ARK2C: variants seen among roughly 807,000 people sequenced by gnomAD.
ARK2C encodes arkadia (RNF111) C-terminal like ring finger ubiquitin ligase 2C.
the ARK2C span, among the ~76,000 whole-genome samples, chr18:46,424,214 G>C: frequency 6.6e-6 from 1 of 152,200 alleles, no homozygotes; most frequent in Non-Finnish European, 1.5e-5. Context: ...AGTCAGGGTT[G>C]GACAGGATGC....
chr18:46,428,251 A>G, the ARK2C span, among the ~76,000 whole-genome samples: 3 of 152,144 alleles, frequency 2.0e-5, no homozygotes, highest in African/African-American at 7.2e-5. Context: ...TCTACTAAAA[A>G]TACAAAAATT....
At chr18:46,439,665 A>C in the ARK2C span, among the ~76,000 whole-genome samples, 1 of 152,094 alleles carries the variant, frequency 6.6e-6, no homozygotes, top group Non-Finnish European at 1.5e-5. Flanking sequence ...ACTTGGAGAT[A>C]GTGGATGTTA....
At chr18:46,425,586 G>A in the ARK2C span, among the ~76,000 whole-genome samples, 36 of 152,286 alleles carry the variant, frequency 2.4e-4, no homozygotes, top group Admixed American at 2.0e-4. Flanking sequence ...CCTCCAGCTC[G>A]GGAGTCAGTC....
At chr18:46,435,389 A>G in the ARK2C span, 1 of 1,612,564 alleles carries the variant, frequency 6.2e-7, no homozygotes. Flanking sequence ...GGCTGAGGGC[A>G]CTGACTGGTG....
chr18:46,348,243 G>A, the ARK2C span, among the ~76,000 whole-genome samples: 1 of 151,476 alleles, frequency 6.6e-6, no homozygotes, highest in Non-Finnish European at 1.5e-5. Context: ...GGGGGTGAGG[G>A]GAGGGGAAGG....
the ARK2C span, among the ~76,000 whole-genome samples, chr18:46,391,460 C>T: frequency 6.6e-5 from 10 of 152,058 alleles, no homozygotes; most frequent in African/African-American, 2.2e-4. Context: ...TTGTGGTTGC[C>T]GCTATTCCAC....
At chr18:46,337,820 G>A in the ARK2C span, among the ~76,000 whole-genome samples, 1 of 126,496 alleles carries the variant, frequency 7.9e-6, no homozygotes, top group African/African-American at 3.0e-5. Flanking sequence ...TTTTTTTTGT[G>A]GTACAGATAT....
At chr18:46,341,832 G>A in the ARK2C span, among the ~76,000 whole-genome samples, 1 of 152,114 alleles carries the variant, frequency 6.6e-6, no homozygotes, top group Non-Finnish European at 1.5e-5. Context: ...AATCTGAGTT[G>A]GAACAAGTTT....
At chr18:46,414,593 T>C in the ARK2C span, among the ~76,000 whole-genome samples, 1 of 152,150 alleles carries the variant, frequency 6.6e-6, no homozygotes, top group Non-Finnish European at 1.5e-5. Flanking sequence ...CATGCCCATA[T>C]CCATACCTAC....
chr18:46,443,276 T>C, the ARK2C span, among the ~76,000 whole-genome samples: 1 of 152,250 alleles, frequency 6.6e-6, no homozygotes, highest in Non-Finnish European at 1.5e-5. Context: ...TGAGAATTTT[T>C]AGTATTAAAT....
the ARK2C span, among the ~76,000 whole-genome samples, chr18:46,454,178 T>C: frequency 6.7e-6 from 1 of 148,976 alleles, no homozygotes; most frequent in Non-Finnish European, 1.5e-5. Context: ...ATATATAGAT[T>C]AGACAGCAAA....
chr18:46,427,782 C>T, the ARK2C span, among the ~76,000 whole-genome samples: 26 of 152,292 alleles, frequency 1.7e-4, no homozygotes, highest in East Asian at 4.6e-3. Flanking sequence ...CTGGTGGGGG[C>T]GGCCAGTGTG....
At chr18:46,357,457 C>T in the ARK2C span, among the ~76,000 whole-genome samples, 1 of 152,194 alleles carries the variant, frequency 6.6e-6, no homozygotes, top group African/African-American at 2.4e-5. Context: ...GGGTGTCAGG[C>T]AAGAAAACAG....
the ARK2C span, among the ~76,000 whole-genome samples, chr18:46,431,316 A>T: frequency 2.6e-5 from 4 of 152,182 alleles, no homozygotes; most frequent in East Asian, 7.7e-4. Flanking sequence ...TGTTCATGCC[A>T]AAGAGTAGGT....
chr18:46,342,419 G>A, the ARK2C span, among the ~76,000 whole-genome samples: 71 of 152,214 alleles, frequency 4.7e-4, no homozygotes, highest in African/African-American at 1.7e-3. Flanking sequence ...CTAATGGCCT[G>A]CCAAGCTTCG....
chr18:46,353,819 C>T, the ARK2C span, among the ~76,000 whole-genome samples: 3 of 152,148 alleles, frequency 2.0e-5, no homozygotes, highest in Admixed American at 6.5e-5. Context: ...GTCAAGGACC[C>T]AGAGACCTGG....
chr18:46,348,144 C>A, the ARK2C span, among the ~76,000 whole-genome samples: 13 of 149,602 alleles, frequency 8.7e-5, no homozygotes, highest in Non-Finnish European at 1.6e-4. Context: ...GAGGGCAATG[C>A]CTGGGGGAGC....
At chr18:46,450,643 C>T in the ARK2C span, 1 of 1,303,084 alleles carries the variant, frequency 7.7e-7, no homozygotes, top group Non-Finnish European at 1.1e-6. Flanking sequence ...AATCCATATC[C>T]TGTGTGCATG....
chr18:46,424,834 C>A, the ARK2C span, among the ~76,000 whole-genome samples: 1 of 152,220 alleles, frequency 6.6e-6, no homozygotes, highest in African/African-American at 2.4e-5. Flanking sequence ...GGTGACTCTG[C>A]CTGGCTTTGA....
Sources: gnomAD v4.1 joint callset for allele counts (sites outside exome capture counted in the v4.1 genomes callset) on GRCh38, gnomAD v4.1.1 for gene constraint, MANE v1.5 for transcripts, NCBI Gene and HGNC (gene_info 2026-07-23, HGNC 2026-07-21) for gene names.